The following LUZP2 variants were observed in gnomAD, a reference collection of about 807,000 sequenced individuals.
The protein encoded by LUZP2 is leucine zipper protein 2.
Under a neutral mutation model 51.6 loss-of-function variants are expected in LUZP2, and 52 were observed. The observed-to-expected ratio is 1.01, with a 90% confidence interval of 0.81 to 1.27. The LOEUF is 1.27. LUZP2 is among the 50% of genes most tolerant of loss of function. The pLI is 0.00. For missense variants in LUZP2, 436 were observed against 395.4 expected (o/e 1.10, Z -0.87); for synonymous variants, 154 against 137.3 (o/e 1.12, Z -0.85).
rs1327578902 is a variant in LUZP2 at position 24,796,532 on chromosome 11, T to TGTGTGC, written c.396+33225_396+33226insTGTGCG. Among the ~76,000 whole-genome samples, 28 of 136,986 alleles carry TGTGTGC rather than the reference T, an allele frequency of 2.0e-4. 1 individual carries two copies. Among genetic ancestry groups the TGTGTGC allele is most frequent in the East Asian group, 1.2e-3 (5 of 4,268 alleles). 89.9% of individuals were successfully genotyped at this position (136,986 alleles called of 152,430 possible). ...GTGTGTGTGTGTGTGTGTGTGTGTGTGCCACAGCAAGGGATAGAGGAAAAA... is the reference window on the plus strand; with the variant it reads ...GTGTGTGTGTGTGTGTGTGTGTGTGTGTGTGCGCCACAGCAAGGGATAGAGGAAAAA... On this transcript the variant is annotated intron_variant, in intron 5 of 11. Transcript: ENST00000336930.
intron 7 of LUZP2, among the ~76,000 whole-genome samples, chr11:24,948,849 A>G (rs1005022398): frequency 1.3e-5 from 2 of 150,362 alleles, no homozygotes; most frequent in African/African-American, 4.9e-5. Flanking sequence ...CTATCTATCT[A>G]TCTATCTATC....
At chr11:24,789,439 A>G (rs1012703075) in intron 5 of LUZP2, among the ~76,000 whole-genome samples, 1 of 152,140 alleles carries the variant, frequency 6.6e-6, no homozygotes, top group Non-Finnish European at 1.5e-5. Context: ...TACTCCCTAC[A>G]TGTTAGCAAA....
In LUZP2 at chr11:24,827,229, A is replaced by G. The variant is rs11028197; in HGVS notation, c.396+63921A>G. Among the ~76,000 whole-genome samples, 967 of 152,236 alleles carry G rather than the reference A, an allele frequency of 6.4e-3. 41 individuals carry two copies. In the East Asian group the frequency reaches 0.13, roughly 20 times the overall value. On this transcript the variant is annotated intron_variant, in intron 5 of 11. Coordinates refer to ENST00000336930, the MANE Select transcript of LUZP2 (RefSeq NM_001009909.4). Reference sequence around the variant, plus strand: ...TACCAATGAATGTAACTTTGCTAGGAGTTACAGTTACTTGTCAAACCAGAG... The same window carrying G: ...TACCAATGAATGTAACTTTGCTAGGGGTTACAGTTACTTGTCAAACCAGAG...
chr11:24,588,127 C>T (rs953669570), intron 1 of LUZP2, among the ~76,000 whole-genome samples: 4 of 151,774 alleles, frequency 2.6e-5, no homozygotes, highest in Non-Finnish European at 5.9e-5. Context: ...TCTTTCTTGT[C>T]TTTAATTATA....
intron 1 of LUZP2, among the ~76,000 whole-genome samples, chr11:24,564,553 A>C (rs1410217322): frequency 6.6e-6 from 1 of 152,132 alleles, no homozygotes; most frequent in Non-Finnish European, 1.5e-5. Flanking sequence ...CTATAGTTGT[A>C]TGTAAGCCAT....
chr11:24,666,571 G>A (rs1408587878), intron 1 of LUZP2, among the ~76,000 whole-genome samples: 2 of 152,070 alleles, frequency 1.3e-5, no homozygotes, highest in Non-Finnish European at 2.9e-5. Flanking sequence ...GAATGCAGGA[G>A]CTATTCTCAG....
chr11:24,531,994 T>G (rs1315471156), intron 1 of LUZP2, among the ~76,000 whole-genome samples: 1 of 151,066 alleles, frequency 6.6e-6, no homozygotes, highest in Non-Finnish European at 1.5e-5. Context: ...GCTGCAATTT[T>G]GTTAAATGAA....
chr11:24,934,074 A>G (rs6484084), intron 7 of LUZP2, among the ~76,000 whole-genome samples: 78,372 of 151,996 alleles, frequency 0.52, 20,483 homozygotes, highest in East Asian at 0.83. Context: ...TCGCAAGGGC[A>G]GGGAAGGTGT....
chr11:25,040,216 G>A (rs1858005317), intron 9 of LUZP2, among the ~76,000 whole-genome samples: 1 of 151,806 alleles, frequency 6.6e-6, no homozygotes, highest in African/African-American at 2.4e-5. Flanking sequence ...TTAAATGTGT[G>A]TTTTATTTTC....
In LUZP2 at chr11:24,497,297, C is replaced by A; in HGVS notation, c.54C>A (p.Leu18=). 6.4e-7 allele frequency: 1 copy of A among 1,564,060 alleles called. No homozygotes were observed. ...TGCCTCTCCTGCCTGCGCTGGTCCT[C>A]AGCACCAGGTGAGTCCAGGAGCGTG... The part of the protein sequence containing the change: ...YLLPLLPALV[L]STRQDYEELE... Residue 18 remains leucine (L), a synonymous_variant, in exon 1 of 12, where the codon CTC becomes CTA. Transcript: ENST00000336930.
At position 24,983,279 on chromosome 11, in the gene LUZP2, G is replaced by T. The variant is rs748201659; in HGVS notation, c.751G>T (p.Ala251Ser). ...RNIASKLPDA[A>S]AKSKPQQSAS... ...TATTGCCTCTAAGCTTCCAGATGCA[G>T]CGGCCAAAAGCAAGGTACCTACCTT... The change falls in exon 9 of 12, where the codon GCG (alanine) becomes TCG (serine). Residue 251 changes from alanine to serine, a missense_variant. Ala to Ser is a moderately conservative substitution (Grantham distance 99, BLOSUM62 1). Transcript: ENST00000336930. The T allele has an allele frequency of 6.2e-7, 1 of 1,611,518 alleles. No individual in the cohort carries two copies. The highest frequency in any genetic ancestry group is 1.7e-5 in the Admixed American group (1 of 59,710).
intron 4 of LUZP2, among the ~76,000 whole-genome samples, 181 bp downstream of exon 4, chr11:24,738,483 G>A (rs1859022869): frequency 6.6e-6 from 1 of 152,114 alleles, no homozygotes; most frequent in African/African-American, 2.4e-5. Flanking sequence ...GAAAAGGTTA[G>A]TGTTTTATTT....
At position 24,561,671 on chromosome 11, in the gene LUZP2, G is replaced by A. The variant is rs1261337075; in HGVS notation, c.62+64366G>A. 2.0e-5 allele frequency among the ~76,000 whole-genome samples: 3 copies of A among 152,014 alleles called. No homozygotes were observed. In the East Asian group the frequency reaches 5.8e-4, roughly 29 times the overall value. On this transcript the variant is annotated intron_variant, in intron 1 of 11. Transcript: ENST00000336930. ...GGAACATCACACACTGGGGCCTATC[G>A]GAGGGTGGCGGGATAGGAGAGGGAT...
intron 9 of LUZP2, among the ~76,000 whole-genome samples, chr11:25,028,440 A>G (rs1223541134): frequency 6.6e-6 from 1 of 152,150 alleles, no homozygotes; most frequent in Non-Finnish European, 1.5e-5. Flanking sequence ...TGGTGTATAT[A>G]ATAATGAAGG....
intron 7 of LUZP2, among the ~76,000 whole-genome samples, chr11:24,925,455 A>G (rs1376910199): frequency 1.1e-4 from 17 of 152,206 alleles, no homozygotes; most frequent in Admixed American, 9.8e-4. Context: ...TGCATAAGAA[A>G]CAAGAGAAAG....
At chr11:24,562,625 G>A (rs1021352569) in intron 1 of LUZP2, among the ~76,000 whole-genome samples, 1 of 150,974 alleles carries the variant, frequency 6.6e-6, no homozygotes, top group Non-Finnish European at 1.5e-5. Flanking sequence ...AGGCTGAGGC[G>A]AGCAGATCAC....
chr11:24,926,565 A>G (rs188249027), intron 7 of LUZP2, among the ~76,000 whole-genome samples: 13 of 145,170 alleles, frequency 9.0e-5, no homozygotes, highest in African/African-American at 3.0e-4. Flanking sequence ...ATGTGTGTGT[A>G]TATATATACG....
intron 5 of LUZP2, among the ~76,000 whole-genome samples, chr11:24,833,708 G>GCACACACA (rs748110770): frequency 7.5e-4 from 98 of 130,630 alleles, no homozygotes; most frequent in African/African-American, 2.8e-3. Context: ...GCCACCGCGC[G>GCACACACA]CGCGCACACA....
At chr11:24,547,324 A>G (rs1851585799) in intron 1 of LUZP2, among the ~76,000 whole-genome samples, 1 of 152,104 alleles carries the variant, frequency 6.6e-6, no homozygotes, top group East Asian at 1.9e-4. Context: ...ACTGTACTAC[A>G]AGGCAGCAGT....
Sources: gnomAD v4.1 joint callset for allele counts (sites outside exome capture counted in the v4.1 genomes callset) on GRCh38, gnomAD v4.1.1 for gene constraint, MANE v1.5 for transcripts, NCBI Gene and HGNC (gene_info 2026-07-23, HGNC 2026-07-21) for gene names.